Variants in ANO5 observed in about 807,000 individuals in gnomAD.
ANO5 encodes the protein anoctamin-5.
A neutral mutation model predicts 121.0 loss-of-function variants in ANO5; 109 were observed. The ratio of observed to expected loss-of-function variants is 0.90; its 90% CI spans 0.77 to 1.06. ANO5 has a LOEUF of 1.06. Among genes scored for constraint, ANO5 ranks in the 50% least tolerant of loss-of-function variants. ANO5 has a pLI of 0.00. For missense variants in ANO5, 1,064 were observed against 1,078.5 expected, an observed-to-expected ratio of 0.99 and a Z score of 0.19; for synonymous variants, 406 against 359.9, an observed-to-expected ratio of 1.13 and a Z score of -1.45.
At chr11:22,264,165 A>G (rs1854286227) in intron 17 of ANO5, among the ~76,000 whole-genome samples, 1 of 151,968 alleles carries the variant, frequency 6.6e-6, no homozygotes, top group East Asian at 1.9e-4. Flanking sequence ...CTGGGATTAC[A>G]GGCATGTGCC....
intron 9 of ANO5, among the ~76,000 whole-genome samples, chr11:22,247,239 T>C (rs1853657046): frequency 6.6e-6 from 1 of 152,140 alleles, no homozygotes; most frequent in Admixed American, 6.6e-5. Flanking sequence ...TGTGTGTTTG[T>C]TTAGTTCTTC....
chr11:22,254,771 A>G (rs1853939239), intron 12 of ANO5, among the ~76,000 whole-genome samples: 1 of 152,054 alleles, frequency 6.6e-6, no homozygotes. Context: ...TTCAATTGAA[A>G]GTTGATAATT....
In ANO5 at chr11:22,270,440, C is replaced by G; in HGVS notation, c.2027C>G (p.Thr676Arg). 1.2e-6 allele frequency: 2 copies of G among 1,613,988 alleles called. No individual in the cohort carries two copies. Among genetic ancestry groups the G allele is most frequent in the South Asian group, 2.2e-5 (2 of 91,076 alleles). ...PLGLFYEYLE[T>R]VTQFGFVTLF... The stretch of plus-strand genomic sequence containing the variant: ...GGGCTTTTCTATGAGTACTTAGAAA[C>G]AGGTAATTTTTAACCACTGTTTTGA... The change falls in exon 18 of 22, where the codon ACA (threonine) becomes AGA (arginine). Residue 676 changes from threonine to arginine, a missense_variant and splice_region_variant. Coordinates refer to ENST00000324559, the MANE Select transcript of ANO5 (RefSeq NM_213599.3).
At chr11:22,276,897 C>T (rs1184852937) in intron 21 of ANO5, among the ~76,000 whole-genome samples, 1 of 151,020 alleles carries the variant, frequency 6.6e-6, no homozygotes. Flanking sequence ...AACCCAAGAA[C>T]ATGCCATTCC....
chr11:22,254,418 C>T (rs114449025), intron 12 of ANO5, among the ~76,000 whole-genome samples: 2 of 152,042 alleles, frequency 1.3e-5, no homozygotes, highest in African/African-American at 2.4e-5. Flanking sequence ...CCAATAGATA[C>T]GTACAAGAAT....
At chr11:22,261,616 G>A in intron 15 of ANO5, 1 of 166,754 alleles carries the variant, frequency 6.0e-6, no homozygotes, top group Non-Finnish European at 1.3e-5. Flanking sequence ...AGTGTGCTGA[G>A]ATCACGCCAC....
At chr11:22,256,653 A>C (rs1044382314) in intron 13 of ANO5, among the ~76,000 whole-genome samples, 10 of 152,352 alleles carry the variant, frequency 6.6e-5, no homozygotes, top group African/African-American at 1.9e-4. Context: ...CCAGTTGAAA[A>C]GCCATATGTA....
intron 3 of ANO5, among the ~76,000 whole-genome samples, chr11:22,214,174 G>A (rs1288028426): frequency 6.6e-6 from 1 of 151,908 alleles, no homozygotes; most frequent in Non-Finnish European, 1.5e-5. Flanking sequence ...TGAGTGGTTG[G>A]AATTACAAGA....
chr11:22,249,617 C>A (rs987897044), intron 9 of ANO5, among the ~76,000 whole-genome samples: 1 of 152,094 alleles, frequency 6.6e-6, no homozygotes, highest in Non-Finnish European at 1.5e-5. Context: ...TAAACGCTGT[C>A]ACTTTTCAAT....
At chr11:22,236,603 A>G (rs190601152) in intron 8 of ANO5, among the ~76,000 whole-genome samples, 3 of 152,200 alleles carry the variant, frequency 2.0e-5, no homozygotes, top group Non-Finnish European at 4.4e-5. Context: ...TGAGTCCTTT[A>G]GTTCTTTTCT....
At chr11:22,242,835 T>C (rs1853478344) in intron 9 of ANO5, among the ~76,000 whole-genome samples, 1 of 152,104 alleles carries the variant, frequency 6.6e-6, no homozygotes, top group African/African-American at 2.4e-5. Flanking sequence ...TGTAGAATCA[T>C]TTGGCAACAA....
At chr11:22,267,525 A>ATATATAT (rs1239852095) in intron 17 of ANO5, among the ~76,000 whole-genome samples, 10 of 140,016 alleles carry the variant, frequency 7.1e-5, no homozygotes, top group African/African-American at 3.1e-4. Flanking sequence ...TATATATATA[A>ATATATAT]AATCTATCTA....
At chr11:22,270,734 C>G (rs1854581122) in intron 18 of ANO5, among the ~76,000 whole-genome samples, 1 of 152,110 alleles carries the variant, frequency 6.6e-6, no homozygotes, top group Non-Finnish European at 1.5e-5. Context: ...TTTTAACACC[C>G]ATCTCAAATT....
rs1409801839 is a variant in ANO5 at position 22,269,225 on chromosome 11, A to G, written c.1899-1087A>G. ...GAAGAGAAGGGAAGAAGGAAAGAAG[A>G]AAGGAAGGAAGGAAGGAGAAAAAAA... On this transcript the variant is annotated intron_variant, in intron 17 of 21. Coordinates refer to ENST00000324559, the MANE Select transcript of ANO5 (RefSeq NM_213599.3). 6.4e-5 allele frequency among the ~76,000 whole-genome samples: 8 copies of G among 125,852 alleles called. 1 individual carries two copies. Among genetic ancestry groups the G allele is most frequent in the African/African-American group, 2.4e-4 (7 of 29,656 alleles). The allele number at this position is 125,852 out of a possible 152,430, so 82.6% of individuals were successfully genotyped here. A position where few individuals can be genotyped will look rare whatever the true frequency, so the allele number is the denominator to read the frequency against.
At chr11:22,206,156 T>TA (rs968810516) in intron 2 of ANO5, among the ~76,000 whole-genome samples, 16 of 151,300 alleles carry the variant, frequency 1.1e-4, no homozygotes, top group Non-Finnish European at 1.5e-4. Context: ...ACAGACAGTT[T>TA]AAAAAAAAAT....
At chr11:22,244,976 T>TG (rs1853570625) in intron 9 of ANO5, among the ~76,000 whole-genome samples, 2 of 152,176 alleles carry the variant, frequency 1.3e-5, no homozygotes, top group Admixed American at 1.3e-4. Context: ...ACTGAATCTT[T>TG]CTTGCCTGAG....
intron 7 of ANO5, among the ~76,000 whole-genome samples, chr11:22,230,328 T>A (rs2133623828): frequency 6.6e-6 from 1 of 152,090 alleles, no homozygotes; most frequent in Admixed American, 6.6e-5. Context: ...GATAGAGAAT[T>A]AATTTTTATA....
rs1855142155 is a variant in ANO5 at position 22,283,326 on chromosome 11, CAG to C, written c.*3564_*3565del. ...ATAAATCTCAAGAGAATCAAATTCACAGAGTGAATAAAGTAATAATATTAAAC... is the reference window on the plus strand; with the variant it reads ...ATAAATCTCAAGAGAATCAAATTCACAGTGAATAAAGTAATAATATTAAAC... On this transcript the variant is annotated 3_prime_UTR_variant, in exon 22 of 22. Transcript: ENST00000324559. The C allele has an allele frequency of 1.3e-5, 2 of 152,202 alleles. No individual in the cohort carries two copies. Among genetic ancestry groups the C allele is most frequent in the South Asian group, 2.1e-4 (1 of 4,828 alleles). 9.4% of individuals were successfully genotyped at this position (152,202 alleles called of 1,614,324 possible). A position where few individuals can be genotyped will look rare whatever the true frequency, so the allele number is the denominator to read the frequency against.
chr11:22,201,020 T>C (rs1449609615), intron 1 of ANO5, among the ~76,000 whole-genome samples: 1 of 152,176 alleles, frequency 6.6e-6, no homozygotes, highest in Non-Finnish European at 1.5e-5. Context: ...TGCCATAGTA[T>C]TTGCATATAA....
Sources: allele counts gnomAD v4.1 joint callset (sites outside exome capture counted in the v4.1 genomes callset), GRCh38; gene constraint gnomAD v4.1.1; transcripts MANE v1.5; gene names NCBI Gene and HGNC (gene_info 2026-07-23, HGNC 2026-07-21).